The following EYA1 variants were observed in gnomAD, a reference collection of about 807,000 sequenced individuals.
The protein encoded by EYA1 is protein phosphatase EYA1.
EYA1 carries 16 observed loss-of-function variants against 82.0 expected under a neutral mutation model. That is an observed-to-expected ratio of 0.20 (90% CI 0.13 to 0.30). The LOEUF (loss-of-function observed/expected upper bound fraction) is 0.30. EYA1 is among the 10% of genes least tolerant of loss of function. The pLI is 1.00. For missense variants in EYA1, 633 were observed against 730.7 expected, an observed-to-expected ratio of 0.87 and a Z score of 1.54; for synonymous variants, 261 against 264.4, an observed-to-expected ratio of 0.99 and a Z score of 0.12.
At chr8:71,439,082 G>A (rs1806215426) in intron 2 of EYA1, among the ~76,000 whole-genome samples, 1 of 152,092 alleles carries the variant, frequency 6.6e-6, no homozygotes, top group South Asian at 2.1e-4. Context: ...TTGATATGGG[G>A]GGCCCTATTC....
At chr8:71,363,146 A>G (rs943664939), upstream of EYA1, among the ~76,000 whole-genome samples, 14 of 139,634 alleles carry the variant, frequency 1.0e-4, no homozygotes, top group African/African-American at 2.3e-4. Context: ...TTATTTAAGG[A>G]AAAAAAAAGC....
In EYA1 at chr8:71,286,920, G is replaced by C. The variant is rs982840029; in HGVS notation, c.826+12127C>G. The stretch of plus-strand genomic sequence containing the variant: ...TGGGTTCAGGCAATTCCCCGCCTCA[G>C]ACTCCCGAGTAGCTGGGATTACAGG... On this transcript the variant is annotated intron_variant, in intron 9 of 17. Coordinates refer to ENST00000340726, the MANE Select transcript of EYA1 (RefSeq NM_000503.6). Among the ~76,000 whole-genome samples, 3 of 149,506 alleles carry C rather than the reference G, an allele frequency of 2.0e-5. No individual in the cohort carries two copies. In the Admixed American group the frequency reaches 2.0e-4, roughly 10 times the overall value.
At chr8:71,517,313 T>C (rs1320305478) in intron 2 of EYA1, among the ~76,000 whole-genome samples, 2 of 152,048 alleles carry the variant, frequency 1.3e-5, no homozygotes, top group Non-Finnish European at 2.9e-5. Flanking sequence ...ACTAAACTTA[T>C]GATCCTATGT....
rs185461853 is a variant in EYA1 at position 71,303,451 on chromosome 8, G to A, written c.557-3731C>T. Among the ~76,000 whole-genome samples the A allele has an allele frequency of 1.8e-4, 26 of 142,228 alleles. 4 individuals carry two copies. The East Asian group carries it at 4.5e-3, about 25-fold the overall frequency. The allele number at this position is 142,228 out of a possible 152,430, so 93.3% of individuals were successfully genotyped here. On this transcript the variant is annotated intron_variant, in intron 7 of 17. Transcript: ENST00000340726. ...CCTACAAAACAACTAAAAAAACTTCGACATTCCTATAAAAAATTGGATATT... is the reference window on the plus strand; with the variant it reads ...CCTACAAAACAACTAAAAAAACTTCAACATTCCTATAAAAAATTGGATATT...
intron 9 of EYA1, among the ~76,000 whole-genome samples, chr8:71,275,652 C>T (rs573140047): frequency 1.6e-4 from 24 of 152,180 alleles, no homozygotes; most frequent in African/African-American, 5.5e-4. Context: ...AGAGAGTGAT[C>T]AATAACTTCA....
intron 1 of EYA1, among the ~76,000 whole-genome samples, chr8:71,358,148 A>G (rs894816799): frequency 2.0e-5 from 3 of 152,202 alleles, no homozygotes; most frequent in Admixed American, 6.5e-5. Flanking sequence ...TGTTGGAAAT[A>G]TAATTTTAGT....
chr8:71,211,891 C>A (rs1027577269), intron 16 of EYA1, among the ~76,000 whole-genome samples: 5 of 152,156 alleles, frequency 3.3e-5, no homozygotes, highest in Admixed American at 3.3e-4. Context: ...AAGATGGTAC[C>A]TGCCTTACCC....
In EYA1 at chr8:71,451,922, G is replaced by T. The variant is rs551598515; in HGVS notation, c.33+83822C>A. Among the ~76,000 whole-genome samples the T allele has an allele frequency of 1.1e-3, 163 of 152,294 alleles. 3 individuals are homozygous for T. In the South Asian group the frequency reaches 0.033, roughly 31 times the overall value. ...CACTGGGGCTCATCGGACAGTGGGT[G>T]CAGGACTGTGGGTGCAGCCCACCGA... On this transcript the variant is annotated intron_variant, in intron 2 of 18. Transcript: ENST00000643681.
At chr8:71,365,788 G>A (rs939302375), upstream of EYA1, among the ~76,000 whole-genome samples, 3 of 152,136 alleles carry the variant, frequency 2.0e-5, no homozygotes, top group Non-Finnish European at 4.4e-5. Context: ...GACCTACAAT[G>A]AGGGTCCTGC....
At chr8:71,315,402 C>A (rs1230054355) in intron 7 of EYA1, among the ~76,000 whole-genome samples, 1 of 152,228 alleles carries the variant, frequency 6.6e-6, no homozygotes, top group African/African-American at 2.4e-5. Context: ...AATTCTGTAG[C>A]TCTGCTCTGG....
intron 2 of EYA1, among the ~76,000 whole-genome samples, chr8:71,437,349 T>C (rs1257834754): frequency 6.6e-6 from 1 of 151,944 alleles, no homozygotes; most frequent in Non-Finnish European, 1.5e-5. Context: ...ATGTACTGTG[T>C]TAGAAAGAGC....
At chr8:71,502,449 AT>A (rs1224681720) in intron 2 of EYA1, among the ~76,000 whole-genome samples, 1 of 152,258 alleles carries the variant, frequency 6.6e-6, no homozygotes, top group Non-Finnish European at 1.5e-5. Context: ...GGGTTGCCAT[AT>A]TTAGTGAATA....
intron 12 of EYA1, among the ~76,000 whole-genome samples, chr8:71,231,760 T>A (rs1811225965): frequency 6.6e-6 from 1 of 152,208 alleles, no homozygotes; most frequent in South Asian, 2.1e-4. Context: ...TGCTCCAATA[T>A]TATTTTATCG....
At chr8:71,332,432 C>A (rs1186258941) in intron 4 of EYA1, among the ~76,000 whole-genome samples, 1 of 152,182 alleles carries the variant, frequency 6.6e-6, no homozygotes, top group Non-Finnish European at 1.5e-5. Context: ...CTCTTAACTT[C>A]TTTCTCTGCC....
At chr8:71,349,666 C>A (rs1292157561) in intron 3 of EYA1, among the ~76,000 whole-genome samples, 2 of 152,122 alleles carry the variant, frequency 1.3e-5, no homozygotes, top group African/African-American at 4.8e-5. Context: ...TATGTTACGT[C>A]CTCACAGAAA....
chr8:71,309,689 G>A (rs913553131), intron 7 of EYA1, among the ~76,000 whole-genome samples: 1 of 152,122 alleles, frequency 6.6e-6, no homozygotes, highest in Non-Finnish European at 1.5e-5. Context: ...TGGTTCAGGC[G>A]TACATTTGAA....
At chr8:71,227,253 A>G (rs1034969123) in intron 12 of EYA1, among the ~76,000 whole-genome samples, 8 of 152,008 alleles carry the variant, frequency 5.3e-5, no homozygotes, top group Admixed American at 2.0e-4. Flanking sequence ...TTATTTCTCA[A>G]TTTTCAACGG....
At chr8:71,456,800 A>G (rs1807961611) in intron 2 of EYA1, among the ~76,000 whole-genome samples, 2 of 152,222 alleles carry the variant, frequency 1.3e-5, no homozygotes, top group Non-Finnish European at 2.9e-5. Flanking sequence ...CTAAAACCAT[A>G]AAAACCCTAG....
intron 2 of EYA1, among the ~76,000 whole-genome samples, chr8:71,414,979 CAA>C (rs1231488389): frequency 1.3e-5 from 2 of 152,192 alleles, no homozygotes; most frequent in Non-Finnish European, 2.9e-5. Context: ...ACTAAAATTA[CAA>C]AGTCTGACAT....
Sources: allele counts gnomAD v4.1 joint callset (sites outside exome capture counted in the v4.1 genomes callset), GRCh38; gene constraint gnomAD v4.1.1; transcripts MANE v1.5; gene names NCBI Gene and HGNC (gene_info 2026-07-23, HGNC 2026-07-21).